EREG: variants seen among roughly 807,000 people sequenced by gnomAD.
The protein encoded by EREG is proepiregulin.
A neutral mutation model predicts 22.4 loss-of-function variants in EREG; 23 were observed. That is an observed-to-expected ratio of 1.03 (90% CI 0.74 to 1.46). EREG has a LOEUF of 1.46. EREG is among the 40% of genes most tolerant of loss of function. EREG has a pLI of 0.00. For missense variants in EREG, 226 were observed against 205.9 expected (o/e 1.10, Z -0.60); for synonymous variants, 100 against 75.4 (o/e 1.33, Z -1.69).
intron 2 of EREG, among the ~76,000 whole-genome samples, chr4:74,380,431 G>A (rs1221416836): frequency 1.3e-5 from 2 of 152,112 alleles, no homozygotes; most frequent in African/African-American, 4.8e-5. Context: ...TTGTCTACCA[G>A]AGGCCTTTCT....
At chr4:74,376,989 AAAT>A (rs770333955) in intron 1 of EREG, among the ~76,000 whole-genome samples, 4 of 152,300 alleles carry the variant, frequency 2.6e-5, no homozygotes, top group Middle Eastern at 3.4e-3. Context: ...AACTGAGAAA[AAAT>A]AAAATTCTTG....
At chr4:74,371,570 C>T (rs2110384218) in intron 1 of EREG, among the ~76,000 whole-genome samples, 1 of 152,160 alleles carries the variant, frequency 6.6e-6, no homozygotes, top group South Asian at 2.1e-4. Flanking sequence ...TCTCAAAGTT[C>T]TGTTATTTTC....
Position 74,385,572 on chromosome 4 carries a change from G to A in EREG, c.*764G>A. The A allele has an allele frequency of 3.9e-6, 1 of 257,948 alleles. No individual in the cohort carries two copies. The highest frequency in any genetic ancestry group is 1.7e-4 in the South Asian group (1 of 5,786). The allele number at this position is 257,948 out of a possible 1,614,324, so 16.0% of individuals were successfully genotyped here. ...CATAGCTTCACAATGTTCCTTTTTT[G>A]TATATTACAACATTTATGTGAGGTA... is the stretch of plus-strand genomic sequence containing the variant. On this transcript the variant is annotated 3_prime_UTR_variant, in exon 5 of 5. Coordinates refer to ENST00000244869, the MANE Select transcript of EREG (RefSeq NM_001432.3).
In EREG at chr4:74,365,386, C is replaced by T; in HGVS notation, c.67+11C>T. 2.5e-6 allele frequency: 4 copies of T among 1,611,648 alleles called. No individual in the cohort carries two copies. The highest frequency in any genetic ancestry group is 3.4e-6 in the Non-Finnish European group (4 of 1,179,554). ...TGCTGCTCTGCCTGGGTAAGTTCTCCCCCTCTGGCTTCCGGCCGCCCCAAA... is the reference window on the plus strand; with the variant it reads ...TGCTGCTCTGCCTGGGTAAGTTCTCTCCCTCTGGCTTCCGGCCGCCCCAAA... On this transcript the variant is annotated intron_variant, in intron 1 of 4. Transcript: ENST00000244869.
intron 1 of EREG, among the ~76,000 whole-genome samples, chr4:74,365,863 C>T (rs1398325300): frequency 1.3e-5 from 2 of 152,018 alleles, no homozygotes; most frequent in African/African-American, 4.8e-5. Flanking sequence ...TTTAGCTTTC[C>T]CGGAGGAGCT....
chr4:74,374,499 T>G lies in EREG; in HGVS notation c.68-4949T>G, dbSNP rs187745461. Among the ~76,000 whole-genome samples, 321 of 152,246 alleles carry G rather than the reference T, an allele frequency of 2.1e-3. 2 individuals are homozygous for G. Among genetic ancestry groups the G allele is most frequent in the African/African-American group, 6.4e-3 (265 of 41,528 alleles). The stretch of plus-strand genomic sequence containing the variant: ...CTGCAGTGAGCAGTGATTGCACCAC[T>G]GCACTCCAGTCTGGGCAAATGAGTA... On this transcript the variant is annotated intron_variant, in intron 1 of 4. Coordinates refer to ENST00000244869, the MANE Select transcript of EREG (RefSeq NM_001432.3).
chr4:74,365,592 A>G, intron 1 of EREG, among the ~76,000 whole-genome samples: 1 of 151,834 alleles, frequency 6.6e-6, no homozygotes, highest in Non-Finnish European at 1.5e-5. Flanking sequence ...TTGGTGAATT[A>G]ATTATTGGCA....
At chr4:74,379,766 G>A (rs1295118218) in intron 2 of EREG, among the ~76,000 whole-genome samples, 1 of 152,058 alleles carries the variant, frequency 6.6e-6, no homozygotes, top group Non-Finnish European at 1.5e-5. Context: ...GAAGAGATAG[G>A]GAACAACAAC....
intron 4 of EREG, among the ~76,000 whole-genome samples, chr4:74,384,240 C>A (rs1458047992): frequency 6.6e-6 from 1 of 152,050 alleles, no homozygotes; most frequent in Admixed American, 6.5e-5. Context: ...ATAAATAATG[C>A]ATGTATAGCA....
chr4:74,365,234 C>T lies in EREG; in HGVS notation c.-75C>T. 5 of 1,210,840 alleles carry T rather than the reference C, an allele frequency of 4.1e-6. No homozygotes were observed. The African/African-American group carries it at 5.9e-5, about 14-fold the overall frequency. 75.0% of individuals were successfully genotyped at this position (1,210,840 alleles called of 1,614,324 possible). A position where few individuals can be genotyped will look rare whatever the true frequency, so the allele number is the denominator to read the frequency against. On this transcript the variant is annotated 5_prime_UTR_variant, in exon 1 of 5. Coordinates refer to ENST00000244869, the MANE Select transcript of EREG (RefSeq NM_001432.3). ...CCGCTCTCCAGCCACTGCCGCGAGC[C>T]CGTCTGCTCCCGCCCTGCCCGTGCA...
chr4:74,375,306 CTTTTTTTTTT>C (rs71219383), intron 1 of EREG, among the ~76,000 whole-genome samples: 3 of 61,052 alleles, frequency 4.9e-5, no homozygotes, highest in Non-Finnish European at 8.2e-5. Flanking sequence ...ACTAGCGATT[CTTTTTTTTTT>C]TTTTTTTTTT....
intron 1 of EREG, 56 bp from the exon 2 acceptor site, chr4:74,379,392 T>A (rs1752435814): frequency 9.1e-7 from 1 of 1,092,936 alleles, no homozygotes; most frequent in Non-Finnish European, 1.4e-6. Context: ...AGAAATTTGA[T>A]CAAGATTTCT....
intron 2 of EREG, 67 bp from the exon 3 acceptor site, chr4:74,380,947 T>C: frequency 6.5e-7 from 1 of 1,542,108 alleles, no homozygotes; most frequent in Non-Finnish European, 8.8e-7. Context: ...TGGTTACTGT[T>C]ATGAAAGAGT....
rs1752600714 is a variant in EREG, at chr4:74,388,035, G to C, written c.*3227G>C. 2 of 152,148 alleles carry C rather than the reference G, an allele frequency of 1.3e-5. No homozygotes were observed. The highest frequency in any genetic ancestry group is 6.5e-5 in the Admixed American group (1 of 15,274). The allele number at this position is 152,148 out of a possible 1,614,324, so 9.4% of individuals were successfully genotyped here. The stretch of plus-strand genomic sequence containing the variant: ...AAAGTGATGGGAGAATTGGTATACT[G>C]GTATGACTACGTCTTAAGTCAGATT... On this transcript the variant is annotated 3_prime_UTR_variant, in exon 5 of 5. Coordinates refer to ENST00000244869, the MANE Select transcript of EREG (RefSeq NM_001432.3).
chr4:74,375,974 C>G (rs188777406), intron 1 of EREG, among the ~76,000 whole-genome samples: 15 of 152,234 alleles, frequency 9.9e-5, no homozygotes, highest in Admixed American at 8.5e-4. Flanking sequence ...CTATCCTGAG[C>G]GATGGACTGT....
At position 74,379,085 on chromosome 4, in the gene EREG, G is replaced by C. The variant is rs143982244; in HGVS notation, c.68-363G>C. On this transcript the variant is annotated intron_variant, in intron 1 of 4. Coordinates refer to ENST00000244869, the MANE Select transcript of EREG (RefSeq NM_001432.3). ...AGAGCCTTTTTTTGTGATGGGGTCT[G>C]ATTAGGAGCATTTCTCTGAACACAT... 5.3e-3 allele frequency among the ~76,000 whole-genome samples: 812 copies of C among 152,270 alleles called. 2 individuals carry two copies. Among genetic ancestry groups the C allele is most frequent in the Admixed American group, 9.2e-3 (141 of 15,288 alleles).
In EREG at chr4:74,365,182, A is replaced by C; in HGVS notation, c.-127A>C. On this transcript the variant is annotated 5_prime_UTR_variant, in exon 1 of 5. Transcript: ENST00000244869. ...TTTCCAGTGTCAGAGGGACACAGCC[A>C]ACGTGGGGTCCCTTCTAGGCTGACA... 2.9e-6 allele frequency: 2 copies of C among 699,472 alleles called. No homozygotes were observed. Among genetic ancestry groups the C allele is most frequent in the South Asian group, 3.3e-5 (2 of 61,070 alleles). The allele number at this position is 699,472 out of a possible 1,614,324, so 43.3% of individuals were successfully genotyped here. A position where few individuals can be genotyped will look rare whatever the true frequency, so the allele number is the denominator to read the frequency against.
At position 74,388,742 on chromosome 4, in the gene EREG, A is replaced by G. The variant is rs554705396; in HGVS notation, c.*3934A>G. ...AATAAAAATGCATTGAACATCTTGC[A>G]TTCAAAATCTTCACTGACAATGCAG... On this transcript the variant is annotated 3_prime_UTR_variant, in exon 5 of 5. Transcript: ENST00000244869. 3 of 152,450 alleles carry G rather than the reference A, an allele frequency of 2.0e-5. No individual in the cohort carries two copies. The East Asian group carries it at 5.8e-4, about 29-fold the overall frequency. The allele number at this position is 152,450 out of a possible 1,614,324, so 9.4% of individuals were successfully genotyped here.
At chr4:74,372,974 A>ATTTTTTTTTTTTTTTTTTTTTTT (rs35483998) in intron 1 of EREG, among the ~76,000 whole-genome samples, 1 of 63,150 alleles carries the variant, frequency 1.6e-5, no homozygotes, top group Non-Finnish European at 2.9e-5. Flanking sequence ...CATCTGGCTA[A>ATTTTTTTTTTTTTTTTTTTTTTT]TTTTTTTTTT....
Sources: gnomAD v4.1 joint callset for allele counts (sites outside exome capture counted in the v4.1 genomes callset) on GRCh38, gnomAD v4.1.1 for gene constraint, MANE v1.5 for transcripts, NCBI Gene and HGNC (gene_info 2026-07-23, HGNC 2026-07-21) for gene names.